SLC2A9: variants seen among roughly 807,000 people sequenced by gnomAD.
SLC2A9 encodes the protein solute carrier family 2 member 9.
Under a neutral mutation model 50.6 loss-of-function variants are expected in SLC2A9, and 39 were observed. The ratio of observed to expected loss-of-function variants is 0.77; its 90% CI spans 0.60 to 1.01. The LOEUF (loss-of-function observed/expected upper bound fraction) is 1.01. SLC2A9 is among the 50% of genes least tolerant of loss of function. SLC2A9 has a pLI of 0.00. For missense variants in SLC2A9, 686 were observed against 677.6 expected (o/e 1.01, Z -0.14); for synonymous variants, 324 against 276.9 (o/e 1.17, Z -1.69).
chr4:9,941,456 T>C (rs955870750), intron 6 of SLC2A9, among the ~76,000 whole-genome samples: 4 of 152,176 alleles, frequency 2.6e-5, no homozygotes, highest in African/African-American at 7.2e-5. Flanking sequence ...CCTGGTGGGA[T>C]CTGGTGTTCA....
chr4:9,879,278 C>G (rs1054050829), intron 10 of SLC2A9: 1 of 985,178 alleles, frequency 1.0e-6, no homozygotes, highest in Non-Finnish European at 1.2e-6. Context: ...GATGAGAAGC[C>G]ACACCTCAAA....
chr4:9,997,001 G>C (rs570325008), intron 2 of SLC2A9, 60 bp from the exon 3 acceptor site: 2 of 1,598,136 alleles, frequency 1.3e-6, no homozygotes, highest in East Asian at 4.5e-5. Context: ...CTTGAAGCAA[G>C]CCAGTGTACA....
chr4:9,892,358 C>G (rs1737649557), intron 8 of SLC2A9, among the ~76,000 whole-genome samples: 1 of 152,148 alleles, frequency 6.6e-6, no homozygotes, highest in South Asian at 2.1e-4. Flanking sequence ...CCACATGTCT[C>G]TAAAAGCATC....
intron 3 of SLC2A9, among the ~76,000 whole-genome samples, chr4:9,990,563 G>A (rs1042548559): frequency 6.6e-6 from 1 of 152,148 alleles, no homozygotes; most frequent in African/African-American, 2.4e-5. Context: ...TAGGCAGTGG[G>A]GGATGGGGTT....
At chr4:9,920,297 C>T (rs1238187468) in intron 7 of SLC2A9, 88 bp downstream of exon 7, 2 of 1,433,932 alleles carry the variant, frequency 1.4e-6, no homozygotes, top group African/African-American at 1.4e-5. Context: ...GAGATTTGAA[C>T]CTGGGCGTCT....
intron 1 of SLC2A9, chr4:9,771,501 G>C: frequency 2.5e-6 from 1 of 398,808 alleles, no homozygotes; most frequent in South Asian, 1.3e-4. Context: ...AAAGAGTCTG[G>C]GAAGCATAGA....
chr4:9,793,064 G>T (rs1330994567), intron 3 of SLC2A9, among the ~76,000 whole-genome samples: 3 of 152,138 alleles, frequency 2.0e-5, no homozygotes, highest in Admixed American at 1.3e-4. Flanking sequence ...AGTAGAGACG[G>T]GGTTTCTCCA....
intron 6 of SLC2A9, among the ~76,000 whole-genome samples, chr4:9,926,006 A>G (rs898624065): frequency 2.0e-5 from 3 of 152,086 alleles, no homozygotes; most frequent in African/African-American, 7.2e-5. Context: ...TACGACTGCA[A>G]GCAGATGAGA....
chr4:9,984,129 A>G (rs1756327349), intron 4 of SLC2A9, among the ~76,000 whole-genome samples: 1 of 152,246 alleles, frequency 6.6e-6, no homozygotes. Context: ...GTATAGACAA[A>G]TGAATAGACA....
At chr4:9,922,214 C>T (rs1040695428) in intron 6 of SLC2A9, among the ~76,000 whole-genome samples, 6 of 152,048 alleles carry the variant, frequency 3.9e-5, no homozygotes, top group South Asian at 2.1e-4. Context: ...AAACTAACGC[C>T]GGAACAGAAA....
chr4:9,961,071 G>C (rs1292878385), intron 5 of SLC2A9, among the ~76,000 whole-genome samples: 1 of 152,120 alleles, frequency 6.6e-6, no homozygotes, highest in Admixed American at 6.5e-5. Flanking sequence ...CAGAAACTAA[G>C]CCTCAGAGAA....
chr4:10,037,928 G>T (rs1764158199), intron 1 of SLC2A9, among the ~76,000 whole-genome samples: 1 of 152,090 alleles, frequency 6.6e-6, no homozygotes, highest in Non-Finnish European at 1.5e-5. Flanking sequence ...TCCAGCCTGG[G>T]TGACAGAATG....
chr4:9,783,728 C>A, intron 3 of SLC2A9: 1 of 379,404 alleles, frequency 2.6e-6, no homozygotes, highest in Non-Finnish European at 4.9e-6. Flanking sequence ...GTGCTGGGTC[C>A]TTAAAAAAAA....
intron 7 of SLC2A9, among the ~76,000 whole-genome samples, chr4:9,912,969 T>C (rs1195032696): frequency 6.6e-6 from 1 of 152,164 alleles, no homozygotes; most frequent in African/African-American, 2.4e-5. Context: ...GGAAGAAATA[T>C]TTGAAAATGC....
intron 10 of SLC2A9, among the ~76,000 whole-genome samples, chr4:9,865,501 C>G (rs1732301452): frequency 6.6e-6 from 1 of 152,198 alleles, no homozygotes. Context: ...TTACAGAGTA[C>G]ATTTAAATCT....
At chr4:9,807,310 G>A (rs1173229107) in intron 3 of SLC2A9, among the ~76,000 whole-genome samples, 1 of 152,072 alleles carries the variant, frequency 6.6e-6, no homozygotes, top group Non-Finnish European at 1.5e-5. Flanking sequence ...ATTTCTTCTA[G>A]AATGCCCTTT....
intron 10 of SLC2A9, among the ~76,000 whole-genome samples, chr4:9,861,512 A>G (rs569059258): frequency 1.3e-5 from 2 of 152,290 alleles, no homozygotes; most frequent in African/African-American, 4.8e-5. Flanking sequence ...TAATTACATT[A>G]TATTTTCATG....
Position 9,927,100 on chromosome 4 carries a change from A to T in SLC2A9, c.815-6528T>A, listed in dbSNP as rs187532139. On this transcript the variant is annotated intron_variant, in intron 6 of 11. Transcript: ENST00000264784. Reference sequence around the variant, plus strand: ...ACTGCAGTTCAGTGATGCAGTCTCCACTCACTGCAACCTCCGCCTCCCAGA... The same window carrying T: ...ACTGCAGTTCAGTGATGCAGTCTCCTCTCACTGCAACCTCCGCCTCCCAGA... Among the ~76,000 whole-genome samples the T allele has an allele frequency of 6.9e-5, 10 of 145,262 alleles. No individual in the cohort carries two copies. In the East Asian group the frequency reaches 2.0e-3, roughly 30 times the overall value.
intron 10 of SLC2A9, among the ~76,000 whole-genome samples, chr4:9,865,771 T>C (rs1732353803): frequency 6.6e-6 from 1 of 152,058 alleles, no homozygotes; most frequent in Admixed American, 6.6e-5. Context: ...TTCCAGGACA[T>C]AAAGGAAGGG....
Sources: allele counts gnomAD v4.1 joint callset (sites outside exome capture counted in the v4.1 genomes callset), GRCh38; gene constraint gnomAD v4.1.1; transcripts MANE v1.5; gene names NCBI Gene and HGNC (gene_info 2026-07-23, HGNC 2026-07-21).